Variants in NTNG1 observed in about 807,000 individuals in gnomAD.
NTNG1 encodes the protein netrin-G1.
In NTNG1, 16 loss-of-function variants were observed where a neutral mutation model predicts 54.0. The ratio of observed to expected loss-of-function variants is 0.30; its 90% CI spans 0.20 to 0.45. The LOEUF is 0.45. Ranked by LOEUF, NTNG1 falls within the 20% of genes least tolerant of loss-of-function variation. The probability of loss-of-function intolerance (pLI) is 1.00; values close to 1 mark genes in which losing one functional copy is unlikely to be tolerated. For missense variants in NTNG1, 530 were observed against 678.7 expected (o/e 0.78, Z 2.43); for synonymous variants, 255 against 263.1 (o/e 0.97, Z 0.30).
At chr1:107,224,360 A>G (rs1660542678) in intron 2 of NTNG1, among the ~76,000 whole-genome samples, 1 of 152,194 alleles carries the variant, frequency 6.6e-6, no homozygotes, top group African/African-American at 2.4e-5. Flanking sequence ...ATGTTTGCCC[A>G]TAGAGATCTA....
Position 107,324,341 on chromosome 1 carries a change from C to A in NTNG1, c.306C>A (p.Pro102=). The change falls in exon 3 of 8, where the codon CCC becomes CCA. Residue 102 remains proline (P), a synonymous_variant. Transcript: ENST00000370068. Reference sequence around the variant, plus strand: ...CGAGTACCCCTGAGCTGGCACACCCCCCTGAGCTGATGTTTGATTTTGAAG... The same window carrying A: ...CGAGTACCCCTGAGCTGGCACACCCACCTGAGCTGATGTTTGATTTTGAAG... ...CDASTPELAH[P]PELMFDFEGR... 6.2e-7 allele frequency: 1 copy of A among 1,613,684 alleles called. No homozygotes were observed. Among genetic ancestry groups the A allele is most frequent in the Non-Finnish European group, 8.5e-7 (1 of 1,179,760 alleles).
intron 2 of NTNG1, among the ~76,000 whole-genome samples, chr1:107,196,038 T>A (rs565478001): frequency 9.9e-5 from 15 of 152,144 alleles, no homozygotes; most frequent in Admixed American, 3.3e-4. Flanking sequence ...TTTGCTTTTG[T>A]TGTACTCCCA....
At chr1:107,162,815 A>G (rs1655508974) in intron 2 of NTNG1, among the ~76,000 whole-genome samples, 1 of 152,134 alleles carries the variant, frequency 6.6e-6, no homozygotes, top group African/African-American at 2.4e-5. Flanking sequence ...ACTAGACTAT[A>G]ACAATAGCCT....
At chr1:107,363,462 A>G (rs935909913) in intron 3 of NTNG1, among the ~76,000 whole-genome samples, 3 of 152,226 alleles carry the variant, frequency 2.0e-5, no homozygotes, top group African/African-American at 4.8e-5. Context: ...ACTGCGTTCA[A>G]CATCATGCCT....
chr1:107,386,240 G>A (rs1268791110), intron 3 of NTNG1, among the ~76,000 whole-genome samples: 1 of 150,066 alleles, frequency 6.7e-6, no homozygotes, highest in Non-Finnish European at 1.5e-5. Context: ...CATGATCTCG[G>A]CTCACTGCAG....
At chr1:107,252,195 G>A (rs1377808212) in intron 2 of NTNG1, among the ~76,000 whole-genome samples, 2 of 152,098 alleles carry the variant, frequency 1.3e-5, no homozygotes, top group Admixed American at 1.3e-4. Flanking sequence ...CTTTTGTTCA[G>A]GCCAAATTAA....
chr1:107,174,819 A>C (rs1482754646), intron 2 of NTNG1, among the ~76,000 whole-genome samples: 1 of 152,080 alleles, frequency 6.6e-6, no homozygotes, highest in Non-Finnish European at 1.5e-5. Flanking sequence ...TTCAAGGGCA[A>C]GGATAATTCA....
At chr1:107,425,175 G>A (rs1371094946) in intron 5 of NTNG1, among the ~76,000 whole-genome samples, 1 of 140,890 alleles carries the variant, frequency 7.1e-6, no homozygotes. Context: ...ATGAAGAGAT[G>A]AAAAGTTGAA....
intron 3 of NTNG1, among the ~76,000 whole-genome samples, chr1:107,387,792 A>T (rs981930733): frequency 6.6e-5 from 10 of 152,196 alleles, no homozygotes; most frequent in African/African-American, 2.4e-4. Context: ...CAGAGTGATA[A>T]TGAGGATGAG....
At chr1:107,165,355 A>G (rs1368130686) in intron 2 of NTNG1, among the ~76,000 whole-genome samples, 3 of 152,204 alleles carry the variant, frequency 2.0e-5, no homozygotes, top group African/African-American at 7.2e-5. Context: ...CAACTTTATT[A>G]TTAAAATTCC....
chr1:107,335,426 C>A (rs1019733345), intron 3 of NTNG1, among the ~76,000 whole-genome samples: 1 of 151,952 alleles, frequency 6.6e-6, no homozygotes, highest in Non-Finnish European at 1.5e-5. Context: ...GACATGGAAA[C>A]AGGCAGTGGC....
chr1:107,374,199 G>A (rs1267554468), intron 3 of NTNG1, among the ~76,000 whole-genome samples: 1 of 152,150 alleles, frequency 6.6e-6, no homozygotes, highest in Non-Finnish European at 1.5e-5. Flanking sequence ...TTTGGGGCAT[G>A]TTTGTTTAAG....
chr1:107,440,743 C>T (rs575189438), intron 7 of NTNG1, among the ~76,000 whole-genome samples: 20 of 152,206 alleles, frequency 1.3e-4, no homozygotes, highest in Non-Finnish European at 2.6e-4. Flanking sequence ...GAAAGTGAAG[C>T]AAAGCTGACC....
At chr1:107,471,145 T>C (rs1173675905) in intron 7 of NTNG1, among the ~76,000 whole-genome samples, 1 of 152,134 alleles carries the variant, frequency 6.6e-6, no homozygotes, top group Non-Finnish European at 1.5e-5. Context: ...TGAGTAAGAA[T>C]AGAATGGCTA....
Position 107,289,868 on chromosome 1 carries a change from A to T in NTNG1, c.247-34414A>T, listed in dbSNP as rs185558079. 2.0e-3 allele frequency among the ~76,000 whole-genome samples: 305 copies of T among 152,234 alleles called. 3 individuals are homozygous for T. Among genetic ancestry groups the T allele is most frequent in the African/African-American group, 7.2e-3 (301 of 41,538 alleles). On this transcript the variant is annotated intron_variant, in intron 2 of 7. Transcript: ENST00000370068. The stretch of plus-strand genomic sequence containing the variant: ...ATTGATTTACATTCAGTTGATTTTT[A>T]TATTAATTGATTTTTATACATTGAA...
At chr1:107,449,123 C>A (rs992414484) in intron 7 of NTNG1, among the ~76,000 whole-genome samples, 1 of 151,078 alleles carries the variant, frequency 6.6e-6, no homozygotes, top group East Asian at 1.9e-4. Context: ...ATGAGCAGAA[C>A]TGTACTTGTT....
At chr1:107,181,523 T>A (rs557158406) in intron 2 of NTNG1, among the ~76,000 whole-genome samples, 217 of 17,870 alleles carry the variant, frequency 0.012, 4 homozygotes, top group Non-Finnish European at 3.2e-3. Flanking sequence ...CTTGATAACA[T>A]TTTTTTCTTT....
chr1:107,175,489 C>T (rs188194480), intron 2 of NTNG1, among the ~76,000 whole-genome samples: 1 of 152,230 alleles, frequency 6.6e-6, no homozygotes, highest in African/African-American at 2.4e-5. Context: ...ATAATATATC[C>T]TTCAGCTCTC....
chr1:107,212,867 A>G (rs1462611634), intron 2 of NTNG1, among the ~76,000 whole-genome samples: 2 of 152,006 alleles, frequency 1.3e-5, no homozygotes, highest in Non-Finnish European at 2.9e-5. Flanking sequence ...AGCCTTTTGC[A>G]TGTATTAACT....
Sources: gnomAD v4.1 joint callset for allele counts (sites outside exome capture counted in the v4.1 genomes callset) on GRCh38, gnomAD v4.1.1 for gene constraint, MANE v1.5 for transcripts, NCBI Gene and HGNC (gene_info 2026-07-23, HGNC 2026-07-21) for gene names.